The following PALD1 variants were observed in gnomAD, a reference collection of about 807,000 sequenced individuals.
The protein encoded by PALD1 is paladin.
A neutral mutation model predicts 96.0 loss-of-function variants in PALD1; 57 were observed. That is an observed-to-expected ratio of 0.59 (90% CI 0.48 to 0.74). The LOEUF is 0.74. Among genes scored for constraint, PALD1 ranks in the 30% least tolerant of loss-of-function variants. The pLI, the probability that PALD1 is intolerant of heterozygous loss-of-function variation, is 0.00. For synonymous variants in PALD1, 464 were observed against 473.6 expected (o/e 0.98, Z 0.26); for missense variants, 1,063 against 1,143.7 (o/e 0.93, Z 1.02).
chr10:70,533,244 G>A (rs1018712338), intron 7 of PALD1, among the ~76,000 whole-genome samples, 174 bp downstream of exon 7: 4 of 152,070 alleles, frequency 2.6e-5, no homozygotes, highest in African/African-American at 9.7e-5. Context: ...ATGTCTGTGT[G>A]TGTCAGCGCC....
chr10:70,481,044 C>T (rs1845922539), intron 1 of PALD1, among the ~76,000 whole-genome samples: 1 of 152,236 alleles, frequency 6.6e-6, no homozygotes, highest in South Asian at 2.1e-4. Flanking sequence ...TTGCTGGGAT[C>T]TGAATCTCCC....
chr10:70,515,560 C>G (rs1407140730), intron 1 of PALD1, among the ~76,000 whole-genome samples: 1 of 152,202 alleles, frequency 6.6e-6, no homozygotes, highest in Non-Finnish European at 1.5e-5. Flanking sequence ...TCTGTGGCAG[C>G]TGGCAGTTGC....
chr10:70,525,774 G>A (rs1246286833), intron 1 of PALD1, 149 bp from the exon 2 acceptor site: 1 of 637,692 alleles, frequency 1.6e-6, no homozygotes, highest in African/African-American at 1.8e-5. Context: ...GATCTTCTGG[G>A]CCCCACGGTG....
intron 1 of PALD1, among the ~76,000 whole-genome samples, chr10:70,505,440 A>G (rs993967977): frequency 3.3e-5 from 5 of 151,504 alleles, no homozygotes; most frequent in African/African-American, 1.2e-4. Flanking sequence ...CATCTCTACT[A>G]AAAAAAATAC....
intron 1 of PALD1, among the ~76,000 whole-genome samples, chr10:70,497,257 C>T (rs570757673): frequency 3.9e-5 from 6 of 152,252 alleles, no homozygotes; most frequent in Admixed American, 2.0e-4. Flanking sequence ...GGTGCACATA[C>T]GTGGATGAAG....
chr10:70,492,448 CTTTTTTTTTTTTTT>C (rs1157960799), intron 1 of PALD1, among the ~76,000 whole-genome samples: 3 of 80,156 alleles, frequency 3.7e-5, no homozygotes, highest in Admixed American at 3.7e-4. Flanking sequence ...GCATTTTTGA[CTTTTTTTTTTTTTT>C]TTTTTTTTTT....
At position 70,539,269 on chromosome 10, in the gene PALD1, GC is replaced by G. The variant is rs1488541673; in HGVS notation, c.1725+23del. ...GGAGGTGAGGCCCCCTGCCCTCTAG[GC>G]ACCCCTGCCTCCGAGGCTTCTGGGG... On this transcript the variant is annotated intron_variant, in intron 14 of 19. Coordinates refer to ENST00000263563, the MANE Select transcript of PALD1 (RefSeq NM_014431.3). The surrounding 1 kb of genome is among the most constrained non-coding windows in gnomAD (Gnocchi z 4.5). 1 of 1,593,836 alleles carries G rather than the reference GC, an allele frequency of 6.3e-7. No individual in the cohort carries two copies. Among genetic ancestry groups the G allele is most frequent in the Non-Finnish European group, 8.5e-7 (1 of 1,171,700 alleles).
At chr10:70,541,060 C>T (rs1027875256) in intron 15 of PALD1, 42 bp from the exon 16 acceptor site, 1 of 1,545,812 alleles carries the variant, frequency 6.5e-7, no homozygotes, top group African/African-American at 1.4e-5. Context: ...TTTGTGCATC[C>T]AAGAGACGCC....
intron 18 of PALD1, among the ~76,000 whole-genome samples, chr10:70,553,857 T>G (rs753302924): frequency 8.5e-5 from 13 of 152,214 alleles, no homozygotes; most frequent in Non-Finnish European, 1.9e-4. Flanking sequence ...AGTCGCAGAC[T>G]GACCAGGAGA....
chr10:70,477,042 CACATG>C (rs1414080483), upstream of PALD1, among the ~76,000 whole-genome samples: 1 of 9,398 alleles, frequency 1.1e-4, no homozygotes, highest in Admixed American at 2.8e-3. Flanking sequence ...CATACACATG[CACATG>C]TATGTAAATG....
the PALD1 span, among the ~76,000 whole-genome samples, chr10:70,471,801 C>T: frequency 1.3e-5 from 2 of 152,242 alleles, no homozygotes; most frequent in African/African-American, 4.8e-5. Flanking sequence ...CTGTTTCCCA[C>T]CCATCAGCAA....
At chr10:70,497,441 A>G (rs1425820102) in intron 1 of PALD1, among the ~76,000 whole-genome samples, 1 of 152,132 alleles carries the variant, frequency 6.6e-6, no homozygotes, top group Admixed American at 6.5e-5. Flanking sequence ...CGCCACTCGC[A>G]CAGCTCTCCT....
chr10:70,476,592 G>A (rs1022185998), upstream of PALD1, among the ~76,000 whole-genome samples: 1 of 152,166 alleles, frequency 6.6e-6, no homozygotes, highest in African/African-American at 2.4e-5. Flanking sequence ...CAAGCCCTCA[G>A]CCCCCTACCT....
chr10:70,534,731 G>T lies in PALD1; in HGVS notation c.1123-8G>T. ...CTCCCTCTTACTTGCCTTGGTCTCT[G>T]GCACCAGGTGGACAGAGCCATCACT... is the stretch of plus-strand genomic sequence containing the variant. On this transcript the variant is annotated splice_polypyrimidine_tract_variant and splice_region_variant and intron_variant, in intron 9 of 19. Coordinates refer to ENST00000263563, the MANE Select transcript of PALD1 (RefSeq NM_014431.3). The T allele has an allele frequency of 6.5e-7, 1 of 1,527,568 alleles. No homozygotes were observed. Among genetic ancestry groups the T allele is most frequent in the Non-Finnish European group, 9.0e-7 (1 of 1,107,302 alleles). The allele number at this position is 1,527,568 out of a possible 1,614,324, so 94.6% of individuals were successfully genotyped here.
Position 70,552,055 on chromosome 10 carries a change from G to A in PALD1, c.2262+4609G>A, listed in dbSNP as rs149732655. Among the ~76,000 whole-genome samples the A allele has an allele frequency of 4.6e-5, 7 of 152,366 alleles. No homozygotes were observed. The East Asian group carries it at 1.3e-3, about 29-fold the overall frequency. ...CGCCACTCACCTAGGCTGTGTTTAT[G>A]CATTTCAACATGTGCCCAGCCAGCA... On this transcript the variant is annotated intron_variant, in intron 18 of 19. Transcript: ENST00000263563.
At chr10:70,526,668 G>T (rs1183681380) in intron 2 of PALD1, among the ~76,000 whole-genome samples, 1 of 152,170 alleles carries the variant, frequency 6.6e-6, no homozygotes. Context: ...GAGGAAGAGG[G>T]TTATGATGGG....
At position 70,529,208 on chromosome 10, in the gene PALD1, GCCCCCCCC is replaced by G. The variant is rs35468231; in HGVS notation, c.186-10_186-3del. On this transcript the variant is annotated splice_polypyrimidine_tract_variant and intron_variant, in intron 2 of 19. Transcript: ENST00000263563. ...GGTTGCTTGACTCAGTTTCCATTCT[GCCCCCCCC>G]CCCCCCCCCCAGGTACAACTGCAAG... is the stretch of plus-strand genomic sequence containing the variant. 5.6e-4 allele frequency: 154 copies of G among 274,568 alleles called. 25 individuals are homozygous for G. Among genetic ancestry groups the G allele is most frequent in the Non-Finnish European group, 8.8e-4 (120 of 136,852 alleles). 17.0% of individuals were successfully genotyped at this position (274,568 alleles called of 1,614,324 possible). A position where few individuals can be genotyped will look rare whatever the true frequency, so the allele number is the denominator to read the frequency against.
chr10:70,559,503 A>G (rs1285938293), intron 18 of PALD1, among the ~76,000 whole-genome samples: 2 of 152,128 alleles, frequency 1.3e-5, no homozygotes, highest in African/African-American at 4.8e-5. Context: ...TGTTGAGAAT[A>G]GACAGCAGGG....
chr10:70,528,575 T>G (rs1482707795), intron 2 of PALD1, among the ~76,000 whole-genome samples: 1 of 152,128 alleles, frequency 6.6e-6, no homozygotes, highest in Admixed American at 6.5e-5. Context: ...GTGTGTGGAG[T>G]TAGCAGTGTA....
Sources: gnomAD v4.1 joint callset for allele counts (sites outside exome capture counted in the v4.1 genomes callset) on GRCh38, gnomAD v4.1.1 for gene constraint, Gnocchi (gnomAD v3.1) non-coding constraint, MANE v1.5 for transcripts, NCBI Gene and HGNC (gene_info 2026-07-23, HGNC 2026-07-21) for gene names.